TCHH: variants seen among roughly 807,000 people sequenced by gnomAD.
TCHH encodes trichohyalin.
A neutral mutation model predicts 6.3 loss-of-function variants in TCHH; 6 were observed. The ratio of observed to expected loss-of-function variants is 0.95; its 90% confidence interval spans 0.52 to 1.88. TCHH has a LOEUF of 1.88. Among genes scored for constraint, TCHH ranks in the 40% most tolerant of loss-of-function variants. The probability of loss-of-function intolerance (pLI) is 0.01; values close to 1 mark genes in which losing one functional copy is unlikely to be tolerated. For missense variants in TCHH, 2,920 were observed against 2,449.1 expected (o/e 1.19, Z -4.06); for synonymous variants, 1,087 against 963.6 (o/e 1.13, Z -2.37).
Position 152,112,831 on chromosome 1 carries a change from A to C in TCHH, c.386T>G (p.Leu129Arg), listed in dbSNP as rs202181809. 2 of 1,613,500 alleles carry C rather than the reference A, an allele frequency of 1.2e-6. No individual in the cohort carries two copies. The highest frequency in any genetic ancestry group is 1.7e-5 in the Admixed American group (1 of 59,948). Residue 129 changes from leucine (L) to arginine (R), a missense_variant, in exon 3 of 3, where the codon CTG becomes CGG. By Grantham distance (102) the Leu-to-Arg change is moderately radical. Transcript: ENST00000614923. The part of the protein sequence containing the change: ...QRRFEPRDRQ[L>R]EEEPGQRRRQ... ...GCGTCGTTGCCCAGGTTCTTCTTCC[A>C]GTTGTCTGTCCCGGGGCTCGAATCT...
Position 152,110,781 on chromosome 1 carries a change from C to T in TCHH, c.2436G>A (p.Pro812=). 2.5e-6 allele frequency: 4 copies of T among 1,607,716 alleles called. No individual in the cohort carries two copies. The highest frequency in any genetic ancestry group is 3.4e-6 in the Non-Finnish European group (4 of 1,179,868). Residue 812 remains proline, a synonymous_variant, in exon 3 of 3, where the codon CCG becomes CCA. Transcript: ENST00000614923. ...GCCGCTGCTCCTTCTCCTCCTCCTCCGGGAGAAACCGTTGTTCCCGCTGCT... is the reference window on the plus strand; with the variant it reads ...GCCGCTGCTCCTTCTCCTCCTCCTCTGGGAGAAACCGTTGTTCCCGCTGCT... The part of the protein sequence containing the change: ...ERQQREQRFL[P]EEEEKEQRRR...
Position 152,108,920 on chromosome 1 carries a change from G to T in TCHH, c.4297C>A (p.Arg1433Ser). 1.2e-6 allele frequency: 2 copies of T among 1,613,008 alleles called. No homozygotes were observed. Among genetic ancestry groups the T allele is most frequent in the South Asian group, 2.2e-5 (2 of 91,034 alleles). The change falls in exon 3 of 3, where the codon CGT (arginine) becomes AGT (serine). Residue 1433 changes from arginine to serine, a missense_variant. Physicochemically the swap from Arg to Ser is moderately radical, Grantham distance 110 (BLOSUM62 -1). Transcript: ENST00000614923. Reference protein sequence around the residue: ...LSRQERDRKFREEEQQVRRQE... With the variant: ...LSRQERDRKFSEEEQQVRRQE... ...CGGCGCACCTGCTGTTCCTCTTCAC[G>T]GAATTTTCTGTCACGCTCTTGGCGG...
In TCHH at chr1:152,108,069, C is replaced by A. The variant is rs1557808043; in HGVS notation, c.5148G>T (p.Leu1716=). 6.2e-7 allele frequency: 1 copy of A among 1,613,768 alleles called. No homozygotes were observed. The highest frequency in any genetic ancestry group is 1.1e-5 in the South Asian group (1 of 91,070). ...ATTTTCTCTCCAGTTCCTGGCGGCG[C>A]AGCTGCTGTTCCTCCTGGAGGAATT... ...ERKFLQEEQQ[L]RRQELERKFR... Residue 1716 remains leucine, a synonymous_variant, in exon 3 of 3, where the codon CTG becomes CTT. Transcript: ENST00000614923.
Position 152,112,760 on chromosome 1 carries a change from C to A in TCHH, c.457G>T (p.Glu153Ter). 6.2e-7 allele frequency: 1 copy of A among 1,614,078 alleles called. No homozygotes were observed. Among genetic ancestry groups the A allele is most frequent in the Non-Finnish European group, 8.5e-7 (1 of 1,180,022 alleles). The change falls in exon 3 of 3, where the codon GAG becomes TAG. Residue 153 changes from glutamate (E) to a stop codon, truncating the protein, a stop_gained. Transcript: ENST00000614923. LOFTEE classifies it low-confidence loss of function (END_TRUNC). ...EQERELAEGEEQSEKQERLEQ... is the reference protein window; with the variant it reads ...EQERELAEGE ...AGTCGCTCTTGTTTCTCACTTTGCTCCTCTCCCTCAGCTAGCTCCCTCTCC... is the reference window on the plus strand; with the variant it reads ...AGTCGCTCTTGTTTCTCACTTTGCTACTCTCCCTCAGCTAGCTCCCTCTCC...
chr1:152,109,586 TC>T lies in TCHH; in HGVS notation c.3630del (p.Lys1211SerfsTer13). 1 of 1,614,198 alleles carries T rather than the reference TC, an allele frequency of 6.2e-7. No individual in the cohort carries two copies. Among genetic ancestry groups the T allele is most frequent in the Non-Finnish European group, 8.5e-7 (1 of 1,180,022 alleles). On this transcript the variant is annotated frameshift_variant, in exon 3 of 3. Transcript: ENST00000614923. LOFTEE classifies it low-confidence loss of function (END_TRUNC). Reference protein sequence around the residue: ...REEEELQRQKRKQRYRDEDQR... With the variant: ...REEEELQRQKXKQRYRDEDQR... Reference sequence around the variant, plus strand: ...TGATCCTCATCCCGGTATCGCTGCTTCCTTTTCTGGCGCTGAAGCTCTTCCT... The same window carrying T: ...TGATCCTCATCCCGGTATCGCTGCTTCTTTTCTGGCGCTGAAGCTCTTCCT...
chr1:152,109,761 C>T lies in TCHH; in HGVS notation c.3456G>A (p.Gln1152=). The T allele has an allele frequency of 6.3e-7, 1 of 1,582,980 alleles. No homozygotes were observed. The highest frequency in any genetic ancestry group is 8.6e-7 in the Non-Finnish European group (1 of 1,161,088). ...TCTTCTCCGGTTCCTCTCTCAGCAG[C>T]TGCTCTTCCTCCTGCTGCACCTCCT... ...EEEEVQQEEE[Q]LLREEPEKRR... Residue 1152 remains glutamine, a synonymous_variant, in exon 3 of 3, where the codon CAG becomes CAA. Transcript: ENST00000614923.
In TCHH at chr1:152,108,690, G is replaced by C; in HGVS notation, c.4527C>G (p.Arg1509=). 1 of 1,605,738 alleles carries C rather than the reference G, an allele frequency of 6.2e-7. No homozygotes were observed. Among genetic ancestry groups the C allele is most frequent in the South Asian group, 1.1e-5 (1 of 90,516 alleles). ...RDRKFREQEL[R]SQEPERKFLE... ...GGAATTTTCTCTCTGGTTCCTGACT[G>C]CGCAGTTCCTGTTCGCGGAATTTTC... The change falls in exon 3 of 3, where the codon CGC becomes CGG. Residue 1509 remains arginine (R), a synonymous_variant. Coordinates refer to ENST00000614923, the MANE Select transcript of TCHH (RefSeq NM_007113.4).
rs1389010323 is a variant in TCHH, at chr1:152,106,793, C to T, written c.*592G>A. 1 of 152,126 alleles carries T rather than the reference C, an allele frequency of 6.6e-6. No individual in the cohort carries two copies. The highest frequency in any genetic ancestry group is 1.5e-5 in the Non-Finnish European group (1 of 68,024). The allele number at this position is 152,126 out of a possible 1,614,324, so 9.4% of individuals were successfully genotyped here. ...ACCTATTCTTAACAGATATTTCTTCCAGTAATGGGCTGATTTTACAGGAAG... is the reference window on the plus strand; with the variant it reads ...ACCTATTCTTAACAGATATTTCTTCTAGTAATGGGCTGATTTTACAGGAAG... On this transcript the variant is annotated 3_prime_UTR_variant, in exon 3 of 3. Transcript: ENST00000614923.
rs780483541 is a variant in TCHH at position 152,110,432 on chromosome 1, G to C, written c.2785C>G (p.Gln929Glu). 16 of 1,613,852 alleles carry C rather than the reference G, an allele frequency of 9.9e-6. No individual in the cohort carries two copies. The highest frequency in any genetic ancestry group is 1.3e-5 in the Non-Finnish European group (15 of 1,179,946). The change falls in exon 3 of 3, where the codon CAA becomes GAA. Residue 929 changes from glutamine (Q) to glutamate (E), a missense_variant. Physicochemically the swap from Gln to Glu is conservative, Grantham distance 29. Transcript: ENST00000614923. ...EKRRRQEQER[Q>E]YREEEQLQQE... ...TGCAGCTGCTCTTCCTCGCGGTATT[G>C]TCTCTCCTGTTCTTGGCGCCTTCTC... is the stretch of plus-strand genomic sequence containing the variant.
chr1:152,112,579 C>T lies in TCHH; in HGVS notation c.638G>A (p.Arg213Gln), dbSNP rs1312622556. ...CTTCCTCCTCAGCTCCAGCAGCTCC[C>T]GCCTTCGCAGTTGCTCTTCGTCTGG... The part of the protein sequence containing the change: ...EFPDEEQLRR[R>Q]ELLELRRKGR... Residue 213 changes from arginine (R) to glutamine (Q), a missense_variant, in exon 3 of 3, where the codon CGG becomes CAG. Transcript: ENST00000614923. The T allele has an allele frequency of 2.5e-6, 4 of 1,613,470 alleles. No homozygotes were observed. Among genetic ancestry groups the T allele is most frequent in the African/African-American group, 2.7e-5 (2 of 74,850 alleles).
At position 152,107,642 on chromosome 1, in the gene TCHH, G is replaced by A. The variant is rs1363310545; in HGVS notation, c.5575C>T (p.Arg1859Cys). The A allele has an allele frequency of 3.1e-6, 5 of 1,614,026 alleles. No individual in the cohort carries two copies. In the Admixed American group the frequency reaches 6.7e-5, roughly 22 times the overall value. Residue 1859 changes from arginine (R) to cysteine (C), a missense_variant, in exon 3 of 3, where the codon CGT (arginine) becomes TGT (cysteine). Transcript: ENST00000614923. ...TCTTGCCATAGTTCTTGTTCCTCAC[G>A]ACGACTCTTCTCCTGCGTGGCAAAC... ...EQFATQEKSR[R>C]EEQELWQEEE...
intron 1 of TCHH, among the ~76,000 whole-genome samples, chr1:152,114,360 A>G (rs1658460921): frequency 6.6e-6 from 1 of 152,222 alleles, no homozygotes; most frequent in Non-Finnish European, 1.5e-5. Flanking sequence ...CCCAATGTGG[A>G]TTATCTATGC....
At position 152,109,141 on chromosome 1, in the gene TCHH, T is replaced by G. The variant is rs755662987; in HGVS notation, c.4076A>C (p.Asp1359Ala). Residue 1359 changes from aspartate (D) to alanine (A), a missense_variant, in exon 3 of 3, where the codon GAC becomes GCC. By Grantham distance (126) the Asp-to-Ala change is moderately radical. Coordinates refer to ENST00000614923, the MANE Select transcript of TCHH (RefSeq NM_007113.4). ...EEQPLRRQER[D>A]RKFREEELRH... Reference sequence around the variant, plus strand: ...CAGTTCCTCTTCGCGGAATTTTCTGTCACGCTCTTGGCGGCGCAGCGGCTG... The same window carrying G: ...CAGTTCCTCTTCGCGGAATTTTCTGGCACGCTCTTGGCGGCGCAGCGGCTG... 1.9e-6 allele frequency: 3 copies of G among 1,613,890 alleles called. No homozygotes were observed. In the South Asian group the frequency reaches 3.3e-5, roughly 18 times the overall value.
Position 152,110,505 on chromosome 1 carries a change from C to T in TCHH, c.2712G>A (p.Gln904=), listed in dbSNP as rs779550568. 1 of 1,614,200 alleles carries T rather than the reference C, an allele frequency of 6.2e-7. No individual in the cohort carries two copies. The highest frequency in any genetic ancestry group is 8.5e-7 in the Non-Finnish European group (1 of 1,180,026). ...GCTCCTCCTCCTCCTCCTGCAGCAG[C>T]TGCTGTTCCTTCCTCAGCTGCTCTT... ...ALQEQLRKEQ[Q]LLQEEEEELQ... The change falls in exon 3 of 3, where the codon CAG becomes CAA. Residue 904 remains glutamine (Q), a synonymous_variant. Coordinates refer to ENST00000614923, the MANE Select transcript of TCHH (RefSeq NM_007113.4).
In TCHH at chr1:152,112,950, G is replaced by A; in HGVS notation, c.267C>T (p.Leu89=). 2 of 1,613,948 alleles carry A rather than the reference G, an allele frequency of 1.2e-6. No individual in the cohort carries two copies. The highest frequency in any genetic ancestry group is 1.7e-6 in the Non-Finnish European group (2 of 1,180,018). Residue 89 remains leucine, a synonymous_variant, in exon 3 of 3, where the codon CTC becomes CTT. Coordinates refer to ENST00000614923, the MANE Select transcript of TCHH (RefSeq NM_007113.4). ...FKVAQACYYA[L]GQATGLDEEK... is the part of the protein sequence containing the mutation. ...CCTCATCCAGTCCCGTGGCCTGGCC[G>A]AGAGCATAGTAACAAGCTTGAGCCA...
rs958353917 is a variant in TCHH at position 152,108,656 on chromosome 1, C to T, written c.4561G>A (p.Glu1521Lys). 4 of 1,611,376 alleles carry T rather than the reference C, an allele frequency of 2.5e-6. No homozygotes were observed. Among genetic ancestry groups the T allele is most frequent in the Non-Finnish European group, 2.5e-6 (3 of 1,179,648 alleles). Residue 1521 changes from glutamate (E) to lysine (K), a missense_variant, in exon 3 of 3, where the codon GAA (glutamate) becomes AAA (lysine). Physicochemically the swap from Glu to Lys is moderately conservative, Grantham distance 56. Coordinates refer to ENST00000614923, the MANE Select transcript of TCHH (RefSeq NM_007113.4). Reference protein sequence around the residue: ...QEPERKFLEEEQQLHRQQRQR... With the variant: ...QEPERKFLEEKQQLHRQQRQR... ...CGTTGCTGGCGGTGCAGCTGCTGTT[C>T]CTCCTCGAGGAATTTTCTCTCTGGT...
rs1658200882 is a variant in TCHH at position 152,108,628 on chromosome 1, T to A, written c.4589A>T (p.Gln1530Leu). 6.2e-7 allele frequency: 1 copy of A among 1,601,384 alleles called. No homozygotes were observed. The highest frequency in any genetic ancestry group is 1.3e-5 in the African/African-American group (1 of 74,606). Residue 1530 changes from glutamine to leucine, a missense_variant, in exon 3 of 3, where the codon CAG becomes CTG. Coordinates refer to ENST00000614923, the MANE Select transcript of TCHH (RefSeq NM_007113.4). ...CTGTTCCTCCTGGAGGAATTTTCTC[T>A]GCCGTTGCTGGCGGTGCAGCTGCTG... ...EEQQLHRQQR[Q>L]RKFLQEEQQL...
Position 152,108,101 on chromosome 1 carries a change from C to T in TCHH, c.5116G>A (p.Glu1706Lys). The T allele has an allele frequency of 6.2e-7, 1 of 1,611,156 alleles. No individual in the cohort carries two copies. The highest frequency in any genetic ancestry group is 8.5e-7 in the Non-Finnish European group (1 of 1,179,288). ...TGTTCCTCCTGGAGGAATTTTCTCT[C>T]TCGTTCCTGACGGCGGAGCTGCTGT... ...EEQQLRRQER[E>K]RKFLQEEQQL... Residue 1706 changes from glutamate (E) to lysine (K), a missense_variant, in exon 3 of 3, where the codon GAG (glutamate) becomes AAG (lysine). Transcript: ENST00000614923.
At position 152,109,085 on chromosome 1, in the gene TCHH, C is replaced by T. The variant is rs369543263; in HGVS notation, c.4132G>A (p.Glu1378Lys). ...RHQEQGRKFL[E>K]EEQRLRRQER... is the part of the protein sequence containing the mutation. ...TGGCGGCGCAGCCGCTGTTCCTCCT[C>T]GAGGAATTTTCTCCCTTGTTCCTGA... Residue 1378 changes from glutamate (E) to lysine (K), a missense_variant, in exon 3 of 3, where the codon GAG (glutamate) becomes AAG (lysine). Glu to Lys is a moderately conservative substitution (Grantham distance 56). Transcript: ENST00000614923. The T allele has an allele frequency of 7.4e-5, 120 of 1,613,148 alleles. 1 individual carries two copies. In the African/African-American group the frequency reaches 1.2e-3, roughly 16 times the overall value.
Sources: allele counts gnomAD v4.1 joint callset (sites outside exome capture counted in the v4.1 genomes callset), GRCh38; gene constraint gnomAD v4.1.1; transcripts MANE v1.5; gene names NCBI Gene and HGNC (gene_info 2026-07-23, HGNC 2026-07-21).